The following STARD9 variants were observed in gnomAD, a reference collection of about 807,000 sequenced individuals.
STARD9 encodes the protein StAR related lipid transfer domain containing 9, also known as stAR-related lipid transfer protein 9.
Under a neutral mutation model 399.8 loss-of-function variants are expected in STARD9, and 346 were observed. That is an observed-to-expected ratio of 0.87 (90% confidence interval 0.79 to 0.95). The LOEUF (loss-of-function observed/expected upper bound fraction) is 0.95, where lower values mean the gene tolerates loss of function less well. Among genes scored for constraint, STARD9 ranks in the 40% least tolerant of loss-of-function variants. The pLI is 0.00. For synonymous variants in STARD9, 2,203 were observed against 2,143.5 expected, an observed-to-expected ratio of 1.03 and a Z score of -0.77; for missense variants, 5,832 against 5,667.5, an observed-to-expected ratio of 1.03 and a Z score of -0.93.
chr15:42,691,506 AC>A lies in STARD9; in HGVS notation c.9929del (p.Thr3310LysfsTer29), dbSNP rs1219914688. On this transcript the variant is annotated frameshift_variant, in exon 23 of 33. Coordinates refer to ENST00000290607, the MANE Select transcript of STARD9 (RefSeq NM_020759.3). LOFTEE classifies it high-confidence loss of function. ...CCACAGGGGCTCACTTCCTGTGACTACAATCTTCTCTGGCCCCAAACACTCC... is the reference window on the plus strand; with the variant it reads ...CCACAGGGGCTCACTTCCTGTGACTAAATCTTCTCTGGCCCCAAACACTCC... ...PNHRGSLPVT[T>X]IFSGPKHSRS... 2 of 1,537,200 alleles carry A rather than the reference AC, an allele frequency of 1.3e-6. No homozygotes were observed. The highest frequency in any genetic ancestry group is 1.7e-6 in the Non-Finnish European group (2 of 1,146,890).
At chr15:42,639,079 T>C (rs960818330) in intron 7 of STARD9, among the ~76,000 whole-genome samples, 1 of 152,160 alleles carries the variant, frequency 6.6e-6, no homozygotes, top group Non-Finnish European at 1.5e-5. Context: ...CAAAGAACGT[T>C]GGAAAGTGTT....
chr15:42,677,638 G>A (rs1421284710), intron 20 of STARD9, among the ~76,000 whole-genome samples: 1 of 152,206 alleles, frequency 6.6e-6, no homozygotes, highest in African/African-American at 2.4e-5. Context: ...GAGATGCATT[G>A]CAGCAGACAA....
rs1038604453 is a variant in STARD9, at chr15:42,692,802, T to G, written c.11224T>G (p.Leu3742Val). Reference protein sequence around the residue: ...VDEGSQTDLTLPTLCLQTSEA... With the variant: ...VDEGSQTDLTVPTLCLQTSEA... ...TGAGGGCAGCCAGACTGACCTCACC[T>G]TACCCACCCTGTGCCTCCAGACTTC... Residue 3742 changes from leucine (L) to valine (V), a missense_variant, in exon 23 of 33, where the codon TTA (leucine) becomes GTA (valine). By Grantham distance (32) the Leu-to-Val change is conservative. Around this residue, in one of 2 missense-constraint regions of STARD9, gnomAD observed 5,828 missense variants for 5,651.1 expected, o/e 1.03. Coordinates refer to ENST00000290607, the MANE Select transcript of STARD9 (RefSeq NM_020759.3). 1 of 1,537,162 alleles carries G rather than the reference T, an allele frequency of 6.5e-7. No individual in the cohort carries two copies. Among genetic ancestry groups the G allele is most frequent in the South Asian group, 1.2e-5 (1 of 84,052 alleles).
Position 42,688,265 on chromosome 15 carries a change from A to G in STARD9, c.6687A>G (p.Ala2229=). The G allele has an allele frequency of 1.3e-6, 2 of 1,537,642 alleles. No individual in the cohort carries two copies. Among genetic ancestry groups the G allele is most frequent in the Non-Finnish European group, 1.7e-6 (2 of 1,147,014 alleles). ...SSKNNGQFVK[A]SASLKGQPWG... ...AGAATAATGGCCAGTTTGTAAAAGC[A>G]TCAGCAAGTCTCAAAGGGCAGCCTT... is the stretch of plus-strand genomic sequence containing the variant. Residue 2229 remains alanine, a synonymous_variant, in exon 23 of 33, where the codon GCA becomes GCG. Coordinates refer to ENST00000290607, the MANE Select transcript of STARD9 (RefSeq NM_020759.3).
chr15:42,710,573 A>G (rs1292623357), intron 26 of STARD9, among the ~76,000 whole-genome samples: 1 of 152,206 alleles, frequency 6.6e-6, no homozygotes, highest in Non-Finnish European at 1.5e-5. Flanking sequence ...AAATGGAATT[A>G]CACAATATAT....
At chr15:42,710,441 C>G (rs1002668092) in intron 26 of STARD9, among the ~76,000 whole-genome samples, 4 of 152,012 alleles carry the variant, frequency 2.6e-5, no homozygotes, top group Admixed American at 2.0e-4. Flanking sequence ...GTATCCATCA[C>G]CAATTTTAGG....
chr15:42,713,373 A>T (rs1196478577), intron 26 of STARD9, among the ~76,000 whole-genome samples: 1 of 152,096 alleles, frequency 6.6e-6, no homozygotes, highest in Non-Finnish European at 1.5e-5. Context: ...AGATCATGTC[A>T]TCTGCCTTTT....
At chr15:42,667,978 TATC>T (rs1324203700) in intron 15 of STARD9, among the ~76,000 whole-genome samples, 4 of 152,206 alleles carry the variant, frequency 2.6e-5, no homozygotes, top group African/African-American at 7.2e-5. Context: ...GTTCAGAAAA[TATC>T]ATCCCTCTAT....
chr15:42,690,678 T>C lies in STARD9; in HGVS notation c.9100T>C (p.Phe3034Leu). The part of the protein sequence containing the change: ...GLEPKDVNRE[F>L]RLTESSTCEP... ...TGAGCCCAAAGATGTTAACAGGGAA[T>C]TTAGGCTAACAGAGAGCAGCACTTG... Residue 3034 changes from phenylalanine (F) to leucine (L), a missense_variant, in exon 23 of 33, where the codon TTT becomes CTT. Physicochemically the swap from Phe to Leu is conservative, Grantham distance 22. Around this residue, in one of 2 missense-constraint regions of STARD9, gnomAD observed 5,828 missense variants for 5,651.1 expected, o/e 1.03. Coordinates refer to ENST00000290607, the MANE Select transcript of STARD9 (RefSeq NM_020759.3). 1 of 1,537,210 alleles carries C rather than the reference T, an allele frequency of 6.5e-7. No individual in the cohort carries two copies. Among genetic ancestry groups the C allele is most frequent in the African/African-American group, 1.4e-5 (1 of 73,158 alleles).
intron 20 of STARD9, among the ~76,000 whole-genome samples, chr15:42,677,904 T>C (rs1262356007): frequency 6.6e-6 from 1 of 152,184 alleles, no homozygotes; most frequent in South Asian, 2.1e-4. Context: ...GAGTACATCA[T>C]GGTGTTGTGC....
chr15:42,654,726 G>A (rs549050454), intron 9 of STARD9, among the ~76,000 whole-genome samples: 4 of 152,060 alleles, frequency 2.6e-5, no homozygotes, highest in Non-Finnish European at 5.9e-5. Context: ...AACCAAGGAG[G>A]TGAAAGACCT....
Position 42,694,585 on chromosome 15 carries a change from C to A in STARD9, c.12822C>A (p.Phe4274Leu). 6.5e-7 allele frequency: 1 copy of A among 1,537,204 alleles called. No homozygotes were observed. Among genetic ancestry groups the A allele is most frequent in the Non-Finnish European group, 8.7e-7 (1 of 1,146,890 alleles). Reference protein sequence around the residue: ...RRERAERLGNFCRTRSLSPQK... With the variant: ...RRERAERLGNLCRTRSLSPQK... ...AGCGGGCTGAGCGACTTGGGAACTT[C>A]TGCCGGACGCGAAGCCTTAGCCCTC... is the stretch of plus-strand genomic sequence containing the variant. Residue 4274 changes from phenylalanine (F) to leucine (L), a missense_variant, in exon 24 of 33, where the codon TTC becomes TTA. Phe to Leu is a conservative substitution (Grantham distance 22, BLOSUM62 0). Transcript: ENST00000290607.
intron 8 of STARD9, 123 bp from the exon 9 acceptor site, chr15:42,652,397 G>A (rs2059780363): frequency 1.3e-6 from 1 of 792,990 alleles, no homozygotes; most frequent in South Asian, 1.6e-5. Flanking sequence ...GACTAAATAT[G>A]TGTGTTTTAT....
chr15:42,689,573 T>C lies in STARD9; in HGVS notation c.7995T>C (p.Ala2665=), dbSNP rs1323145010. ...TDREPWDPVQ[A]FSHAAPAQDR... ...GAGAGCCATGGGATCCTGTGCAGGC[T>C]TTCTCCCATGCTGCTCCTGCTCAAG... The change falls in exon 23 of 33, where the codon GCT becomes GCC. Residue 2665 remains alanine (A), a synonymous_variant. Transcript: ENST00000290607. 8 of 1,537,172 alleles carry C rather than the reference T, an allele frequency of 5.2e-6. No homozygotes were observed. The highest frequency in any genetic ancestry group is 7.0e-6 in the Non-Finnish European group (8 of 1,146,932).
In STARD9 at chr15:42,690,945, C is replaced by G; in HGVS notation, c.9367C>G (p.Gln3123Glu). 1 of 1,537,180 alleles carries G rather than the reference C, an allele frequency of 6.5e-7. No individual in the cohort carries two copies. Among genetic ancestry groups the G allele is most frequent in the Non-Finnish European group, 8.7e-7 (1 of 1,146,898 alleles). ...RQFRDSSVGD[Q>E]NAQVCQTNPE... ...GTTTAGGGACAGCTCTGTAGGTGAC[C>G]AGAATGCACAGGTGTGTCAAACCAA... The change falls in exon 23 of 33, where the codon CAG becomes GAG. Residue 3123 changes from glutamine (Q) to glutamate (E), a missense_variant. Gln to Glu is a conservative substitution (Grantham distance 29). Transcript: ENST00000290607.
Position 42,639,599 on chromosome 15 carries a change from C to G in STARD9, c.559+787C>G, listed in dbSNP as rs142940493. ...TATATGGCCCAGGTGCAGTGGCTTACGCCTGTAATCCCAATGCTTTGGGAG... is the reference window on the plus strand; with the variant it reads ...TATATGGCCCAGGTGCAGTGGCTTAGGCCTGTAATCCCAATGCTTTGGGAG... On this transcript the variant is annotated intron_variant, in intron 7 of 32. Transcript: ENST00000290607. Among the ~76,000 whole-genome samples, 8 of 152,152 alleles carry G rather than the reference C, an allele frequency of 5.3e-5. No homozygotes were observed. In the East Asian group the frequency reaches 1.5e-3, roughly 29 times the overall value.
In STARD9 at chr15:42,718,897, T is replaced by C. The variant is rs1040533021; in HGVS notation, c.13988T>C (p.Ile4663Thr). 9.1e-6 allele frequency: 14 copies of C among 1,537,190 alleles called. No individual in the cohort carries two copies. The highest frequency in any genetic ancestry group is 2.4e-5 in the East Asian group (1 of 40,920). ...TVEGKEVTRV[I>T]YLAQVELGAP... ...GAAGGGAAGGAAGTCACCAGAGTCA[T>C]CTACTTGGCCCAGGTGATAAATCCT... The change falls in exon 32 of 33, where the codon ATC becomes ACC. Residue 4663 changes from isoleucine (I) to threonine (T), a missense_variant. Ile to Thr is a moderately conservative substitution (Grantham distance 89). Transcript: ENST00000290607.
chr15:42,626,872 C>CGTCT (rs561000481), intron 3 of STARD9, among the ~76,000 whole-genome samples: 140 of 150,680 alleles, frequency 9.3e-4, no homozygotes, highest in African/African-American at 3.3e-3. Context: ...TTCAAGACAG[C>CGTCT]GTCTCTCTCT....
intron 20 of STARD9, among the ~76,000 whole-genome samples, chr15:42,680,959 G>A (rs905735746): frequency 1.3e-5 from 2 of 152,202 alleles, no homozygotes; most frequent in Non-Finnish European, 2.9e-5. Flanking sequence ...TTCTGTTTCA[G>A]GGAATGGAGG....
Sources: gnomAD v4.1 joint callset for allele counts (sites outside exome capture counted in the v4.1 genomes callset) on GRCh38, gnomAD v4.1.1 for gene constraint, gnomAD v4.1.1 regional missense constraint, MANE v1.5 for transcripts, NCBI Gene and HGNC (gene_info 2026-07-23, HGNC 2026-07-21) for gene names.